The following DST variants were observed in gnomAD, a reference collection of about 807,000 sequenced individuals.
DST encodes dystonin.
Under a neutral mutation model 875.2 loss-of-function variants are expected in DST, and 253 were observed. That is an observed-to-expected ratio of 0.29 (90% CI 0.26 to 0.32). DST has a LOEUF of 0.32. Ranked by LOEUF, DST falls within the 10% of genes least tolerant of loss-of-function variation. DST has a pLI of 1.00. For missense variants in DST, 8,287 were observed against 9,111.6 expected (o/e 0.91, Z 3.68); for synonymous variants, 3,124 against 3,197.1 (o/e 0.98, Z 0.77).
intron 49 of DST, among the ~76,000 whole-genome samples, chr6:56,580,118 A>G (rs76895941): frequency 0.027 from 4,120 of 152,320 alleles, 191 homozygotes; most frequent in African/African-American, 0.093. Flanking sequence ...TACCAACTAC[A>G]GGTAGCTTTT....
chr6:56,739,449 G>C (rs565782161), intron 4 of DST, among the ~76,000 whole-genome samples: 1 of 152,096 alleles, frequency 6.6e-6, no homozygotes, highest in South Asian at 2.1e-4. Context: ...CTTCATCCTA[G>C]CATCTATCTG....
intron 36 of DST, chr6:56,620,589 C>T: frequency 6.2e-7 from 1 of 1,614,040 alleles, no homozygotes; most frequent in Non-Finnish European, 8.5e-7. Flanking sequence ...TTCTTTAGTT[C>T]AGCTACCATT....
intron 3 of DST, among the ~76,000 whole-genome samples, chr6:56,884,952 G>A (rs895753706): frequency 2.6e-5 from 4 of 152,066 alleles, no homozygotes; most frequent in Non-Finnish European, 5.9e-5. Context: ...GGATGGTCTC[G>A]ATCTCCTGAC....
chr6:56,874,800 A>C (rs916072640), intron 3 of DST, among the ~76,000 whole-genome samples: 3 of 152,194 alleles, frequency 2.0e-5, no homozygotes, highest in African/African-American at 7.2e-5. Context: ...GTAGATGCCA[A>C]AACTAACACC....
chr6:56,787,240 C>T (rs913301449), intron 4 of DST, among the ~76,000 whole-genome samples: 91 of 152,240 alleles, frequency 6.0e-4, no homozygotes, highest in African/African-American at 1.9e-3. Flanking sequence ...GCATGCTGAG[C>T]ACATATAGTG....
chr6:56,868,244 T>C (rs1399768569), intron 3 of DST, among the ~76,000 whole-genome samples: 1 of 152,220 alleles, frequency 6.6e-6, no homozygotes, highest in East Asian at 1.9e-4. Flanking sequence ...TTCTCAACTA[T>C]GAGGTCTTGT....
At chr6:56,459,994 G>T in intron 103 of DST, 137 bp downstream of exon 103, 1 of 1,047,148 alleles carries the variant, frequency 9.5e-7, no homozygotes, top group Non-Finnish European at 1.3e-6. Context: ...ACTTTTGGAG[G>T]ACTGGGGCTA....
intron 82 of DST, among the ~76,000 whole-genome samples, chr6:56,494,960 G>T (rs141023786): frequency 6.6e-6 from 1 of 151,492 alleles, no homozygotes; most frequent in South Asian, 2.1e-4. Flanking sequence ...AACTTTATAC[G>T]TTTTAAAACT....
At position 56,605,613 on chromosome 6, in the gene DST, T is replaced by G. The variant is rs1264097316; in HGVS notation, c.9015A>C (p.Ile3005=). The G allele has an allele frequency of 6.2e-7, 1 of 1,612,934 alleles. No individual in the cohort carries two copies. The highest frequency in any genetic ancestry group is 1.3e-5 in the African/African-American group (1 of 74,876). The change falls in exon 40 of 104, where the codon ATA becomes ATC. Residue 3005 remains isoleucine, a synonymous_variant. Coordinates refer to ENST00000680361, the MANE Select transcript of DST (RefSeq NM_001374736.1). Reference sequence around the variant, plus strand: ...AATGGCTTTCCTCAGCAGGTTTTCCTATTAAATCAGGCTCAGTACAAATGA... The same window carrying G: ...AATGGCTTTCCTCAGCAGGTTTTCCGATTAAATCAGGCTCAGTACAAATGA... ...DHIICTEPDL[I]GKPAEESHLS...
chr6:56,951,166 A>G (rs2127818775), intron 2 of DST, among the ~76,000 whole-genome samples: 1 of 152,332 alleles, frequency 6.6e-6, no homozygotes, highest in South Asian at 2.1e-4. Flanking sequence ...TCTGCCAAGT[A>G]GAGCATCAAA....
At chr6:56,502,043 A>AT (rs1491187693) in intron 78 of DST, among the ~76,000 whole-genome samples, 1 of 152,146 alleles carries the variant, frequency 6.6e-6, no homozygotes, top group Non-Finnish European at 1.5e-5. Context: ...AAAATGAAAC[A>AT]TATGTTGACA....
intron 43 of DST, chr6:56,602,024 T>C: frequency 2.3e-6 from 1 of 434,096 alleles, no homozygotes; most frequent in Non-Finnish European, 4.5e-6. Context: ...AAAATATGAC[T>C]TGCTAACATT....
At chr6:56,756,683 A>G (rs1198462742) in intron 4 of DST, among the ~76,000 whole-genome samples, 1 of 152,192 alleles carries the variant, frequency 6.6e-6, no homozygotes, top group Non-Finnish European at 1.5e-5. Context: ...ATTTTTATCT[A>G]AGACAGAACA....
chr6:56,778,681 G>A (rs939532451), intron 4 of DST, among the ~76,000 whole-genome samples: 2 of 151,590 alleles, frequency 1.3e-5, no homozygotes, highest in African/African-American at 2.4e-5. Flanking sequence ...ATGGTTTCCA[G>A]CTTGATCCAT....
rs1226899601 is a variant in DST, at chr6:56,803,449, A to G, written c.625+47948T>C. ...AGGAGACTGCAAAATATGAAAAAAA[A>G]CAATAGAATAGCCTTTAATGGGACC... On this transcript the variant is annotated intron_variant, in intron 4 of 103. Transcript: ENST00000680361. Among the ~76,000 whole-genome samples, 5 of 152,370 alleles carry G rather than the reference A, an allele frequency of 3.3e-5. No homozygotes were observed. The East Asian group carries it at 9.6e-4, about 29-fold the overall frequency.
intron 5 of DST, among the ~76,000 whole-genome samples, chr6:56,709,685 T>C (rs1049123468): frequency 6.6e-6 from 1 of 152,190 alleles, no homozygotes; most frequent in Non-Finnish European, 1.5e-5. Flanking sequence ...TTAAGTTCTA[T>C]GGGTACAAAG....
chr6:56,606,579 GT>G lies in DST; in HGVS notation c.8048del (p.Asn2683ThrfsTer18). Reference sequence around the variant, plus strand: ...GGAAATCCTGAAGACAATGTGCTTTGTTCTTCACACTTAAGCTACCAACTGG... The same window carrying G: ...GGAAATCCTGAAGACAATGTGCTTTGTCTTCACACTTAAGCTACCAACTGG... ...GAPVGSLSVK[N>X]KAHCLQDFLM... is the part of the protein sequence containing the mutation. On this transcript the variant is annotated frameshift_variant, in exon 40 of 104. Coordinates refer to ENST00000680361, the MANE Select transcript of DST (RefSeq NM_001374736.1). LOFTEE classifies it high-confidence loss of function. 6.2e-7 allele frequency: 1 copy of G among 1,613,474 alleles called. No individual in the cohort carries two copies. Among genetic ancestry groups the G allele is most frequent in the Non-Finnish European group, 8.5e-7 (1 of 1,179,574 alleles).
chr6:56,764,623 G>C (rs993293295), intron 4 of DST, among the ~76,000 whole-genome samples: 2 of 152,068 alleles, frequency 1.3e-5, no homozygotes, highest in Non-Finnish European at 2.9e-5. Context: ...TGGGAAGAAA[G>C]AAGAAAATTT....
chr6:56,816,631 A>G (rs181313395), intron 4 of DST, among the ~76,000 whole-genome samples: 90 of 152,296 alleles, frequency 5.9e-4, no homozygotes, highest in East Asian at 5.0e-3. Flanking sequence ...AGCCTTATCT[A>G]TGAAATAAAC....
Sources: gnomAD v4.1 joint callset for allele counts (sites outside exome capture counted in the v4.1 genomes callset) on GRCh38, gnomAD v4.1.1 for gene constraint, MANE v1.5 for transcripts, NCBI Gene and HGNC (gene_info 2026-07-23, HGNC 2026-07-21) for gene names.